The following ST3GAL2 variants were observed in gnomAD, a reference collection of about 807,000 sequenced individuals.
ST3GAL2 encodes CMP-N-acetylneuraminate-beta-galactosamide-alpha-2,3-sialyltransferase 2.
ST3GAL2 carries 16 observed loss-of-function variants against 37.5 expected under a neutral mutation model. That is an observed-to-expected ratio of 0.43 (90% CI 0.29 to 0.65). The LOEUF (loss-of-function observed/expected upper bound fraction) is 0.65, where lower values mean the gene tolerates loss of function less well. ST3GAL2 is among the 30% of genes least tolerant of loss of function. The pLI, the probability that ST3GAL2 is intolerant of heterozygous loss-of-function variation, is 0.17. For synonymous variants in ST3GAL2, 238 were observed against 202.9 expected (o/e 1.17, Z -1.47); for missense variants, 383 against 487.8 (o/e 0.79, Z 2.02).
Position 70,382,874 on chromosome 16 carries a change from T to G in ST3GAL2, c.810A>C (p.Thr270=). Residue 270 remains threonine, a synonymous_variant, in exon 6 of 7, where the codon ACA becomes ACC. Coordinates refer to ENST00000342907, the MANE Select transcript of ST3GAL2 (RefSeq NM_006927.4). ...AFFKYIHDRW[T]EHHGRYPSTG... ...TGGAAGGGTACCGCCCGTGATGCTC[T>G]GTCCACCTGTCGTGGATATACTTGA... 6.2e-7 allele frequency: 1 copy of G among 1,614,140 alleles called. No individual in the cohort carries two copies. Among genetic ancestry groups the G allele is most frequent in the Non-Finnish European group, 8.5e-7 (1 of 1,180,006 alleles).
intron 1 of ST3GAL2, among the ~76,000 whole-genome samples, chr16:70,419,037 C>G (rs1443398141): frequency 6.6e-6 from 1 of 152,142 alleles, no homozygotes; most frequent in Admixed American, 6.5e-5. Context: ...GCAGGGCATT[C>G]CCTCCCCCTC....
Position 70,389,202 on chromosome 16 carries a change from C to CAAAAAAAA in ST3GAL2, c.534-664_534-657dup, listed in dbSNP as rs1160368910. The stretch of plus-strand genomic sequence containing the variant: ...AGACCACGGTGAAACCCCATCTCTA[C>CAAAAAAAA]AAAAAAAAAAAAAAAAAAAAAAAAA... On this transcript the variant is annotated intron_variant, in intron 3 of 6. Coordinates refer to ENST00000342907, the MANE Select transcript of ST3GAL2 (RefSeq NM_006927.4). Among the ~76,000 whole-genome samples the CAAAAAAAA allele has an allele frequency of 5.9e-3, 161 of 27,374 alleles. 48 individuals are homozygous for CAAAAAAAA. The highest frequency in any genetic ancestry group is 9.4e-3 in the South Asian group (3 of 320). The allele number at this position is 27,374 out of a possible 152,430, so 18.0% of individuals were successfully genotyped here.
intron 1 of ST3GAL2, among the ~76,000 whole-genome samples, chr16:70,420,893 G>A (rs537886300): frequency 6.6e-6 from 1 of 152,340 alleles, no homozygotes; most frequent in Non-Finnish European, 1.5e-5. Context: ...AAAAGATGGA[G>A]GGAACCAGAG....
chr16:70,421,970 A>G (rs1266084185), intron 1 of ST3GAL2, among the ~76,000 whole-genome samples: 2 of 152,112 alleles, frequency 1.3e-5, no homozygotes, highest in Non-Finnish European at 2.9e-5. Context: ...GGATCTTGCT[A>G]TGCTGCCCAG....
chr16:70,403,553 C>A (rs377650094), intron 1 of ST3GAL2, among the ~76,000 whole-genome samples: 25 of 151,974 alleles, frequency 1.6e-4, no homozygotes, highest in Non-Finnish European at 3.1e-4. Context: ...AAGGCTCATG[C>A]CTGTAATCCC....
intron 3 of ST3GAL2, among the ~76,000 whole-genome samples, chr16:70,390,065 C>A (rs190179719): frequency 2.0e-5 from 3 of 151,804 alleles, no homozygotes. Flanking sequence ...GGATTACAGG[C>A]GTGAGCCACC....
At position 70,398,786 on chromosome 16, in the gene ST3GAL2, T is replaced by C; in HGVS notation, c.-256A>G. 1.7e-6 allele frequency: 1 copy of C among 578,932 alleles called. No homozygotes were observed. The highest frequency in any genetic ancestry group is 3.1e-6 in the Non-Finnish European group (1 of 325,566). 35.9% of individuals were successfully genotyped at this position (578,932 alleles called of 1,614,324 possible). ...GGGCTTCATCGGGTCTCTCCGTCACTAGCTAGGCCACAGAGGCTCTGCCTC... is the reference window on the plus strand; with the variant it reads ...GGGCTTCATCGGGTCTCTCCGTCACCAGCTAGGCCACAGAGGCTCTGCCTC... On this transcript the variant is annotated 5_prime_UTR_variant, in exon 2 of 7. An upstream open reading frame in the 5' UTR loses its in-frame stop. Coordinates refer to ENST00000342907, the MANE Select transcript of ST3GAL2 (RefSeq NM_006927.4).
chr16:70,437,262 G>A (rs1457282420), intron 1 of ST3GAL2, among the ~76,000 whole-genome samples: 2 of 152,232 alleles, frequency 1.3e-5, no homozygotes, highest in Non-Finnish European at 2.9e-5. Flanking sequence ...CACACAGACA[G>A]TTGGCCCCCT....
At chr16:70,431,355 A>T (rs924242918) in intron 1 of ST3GAL2, among the ~76,000 whole-genome samples, 2 of 152,218 alleles carry the variant, frequency 1.3e-5, no homozygotes, top group African/African-American at 2.4e-5. Context: ...GCCTGCCCGC[A>T]GGGCTAGGAC....
At chr16:70,419,948 G>A in intron 1 of ST3GAL2, among the ~76,000 whole-genome samples, 1 of 151,368 alleles carries the variant, frequency 6.6e-6, no homozygotes, top group East Asian at 1.9e-4. Flanking sequence ...TTTGTACCAG[G>A]CAAATCCCTC....
Position 70,398,436 on chromosome 16 carries a change from G to C in ST3GAL2, c.95C>G (p.Ala32Gly), listed in dbSNP as rs1448342928. The change falls in exon 2 of 7, where the codon GCC (alanine) becomes GGC (glycine). Residue 32 changes from alanine to glycine, a missense_variant. Physicochemically the swap from Ala to Gly is moderately conservative, Grantham distance 60 (BLOSUM62 0). Around this residue, in one of 2 missense-constraint regions of ST3GAL2, gnomAD observed 223 missense variants for 239.1 expected, o/e 0.93. Coordinates refer to ENST00000342907, the MANE Select transcript of ST3GAL2 (RefSeq NM_006927.4). ...CCCTGAGTCCAGGTAGGGGAGCGTG[G>C]CCATGCTGTGGTGCGAGTAGGTGAA... is the stretch of plus-strand genomic sequence containing the variant. The part of the protein sequence containing the change: ...LLFTYSHHSM[A>G]TLPYLDSGAL... 1 of 1,613,694 alleles carries C rather than the reference G, an allele frequency of 6.2e-7. No individual in the cohort carries two copies. Among genetic ancestry groups the C allele is most frequent in the South Asian group, 1.1e-5 (1 of 91,086 alleles).
rs145914823 is a variant in ST3GAL2, at chr16:70,416,641, T to C, written c.-1003-17108A>G. ...GCTTTGAAACCATTATTATGAATTA[T>C]ATAAGTATGCATATGAAAGTGATAA... On this transcript the variant is annotated intron_variant, in intron 1 of 6. Transcript: ENST00000342907. Among the ~76,000 whole-genome samples the C allele has an allele frequency of 3.5e-3, 533 of 152,352 alleles. 7 individuals carry two copies. The highest frequency in any genetic ancestry group is 0.012 in the African/African-American group (495 of 41,580).
rs2047348302 is a variant in ST3GAL2 at position 70,376,698 on chromosome 16, A to T, written c.*4991T>A. 1 of 152,080 alleles carries T rather than the reference A, an allele frequency of 6.6e-6. No individual in the cohort carries two copies. 9.4% of individuals were successfully genotyped at this position (152,080 alleles called of 1,614,324 possible). On this transcript the variant is annotated 3_prime_UTR_variant, in exon 7 of 7. Coordinates refer to ENST00000342907, the MANE Select transcript of ST3GAL2 (RefSeq NM_006927.4). Reference sequence around the variant, plus strand: ...TCCCTGATGCCTCTGACCTTGCCAGACAGTCACAGAAGGTACTTCCTTGTC... The same window carrying T: ...TCCCTGATGCCTCTGACCTTGCCAGTCAGTCACAGAAGGTACTTCCTTGTC...
Position 70,388,377 on chromosome 16 carries a change from G to C in ST3GAL2, c.703C>G (p.Gln235Glu). The change falls in exon 4 of 7, where the codon CAG (glutamine) becomes GAG (glutamate). Residue 235 changes from glutamine (Q) to glutamate (E), a missense_variant. By Grantham distance (29) the Gln-to-Glu change is conservative (BLOSUM62 2). Coordinates refer to ENST00000342907, the MANE Select transcript of ST3GAL2 (RefSeq NM_006927.4). Reference protein sequence around the residue: ...LWIASALSTGQIRFTYAPVKS... With the variant: ...LWIASALSTGEIRFTYAPVKS... ...CAGCAAGAAGCTCACAATCGGATCT[G>C]CCCCGTGGACAAGGCGCTGGCGATC... 1.2e-6 allele frequency: 2 copies of C among 1,614,138 alleles called. No homozygotes were observed. The highest frequency in any genetic ancestry group is 1.7e-6 in the Non-Finnish European group (2 of 1,180,028).
At chr16:70,415,412 A>C (rs2047669650) in intron 1 of ST3GAL2, among the ~76,000 whole-genome samples, 1 of 152,238 alleles carries the variant, frequency 6.6e-6, no homozygotes, top group African/African-American at 2.4e-5. Flanking sequence ...GAAACGGATA[A>C]ACCTAAGAGG....
At chr16:70,403,394 C>G (rs920090284) in intron 1 of ST3GAL2, among the ~76,000 whole-genome samples, 1 of 152,200 alleles carries the variant, frequency 6.6e-6, no homozygotes, top group Non-Finnish European at 1.5e-5. Context: ...TTTAAGATGT[C>G]TTTTAGGCCA....
intron 3 of ST3GAL2, among the ~76,000 whole-genome samples, chr16:70,391,247 G>A (rs569026203): frequency 6.6e-6 from 1 of 152,174 alleles, no homozygotes; most frequent in Admixed American, 6.6e-5. Context: ...GTGCTTTGGG[G>A]TGGGAGGTCT....
chr16:70,432,481 C>A (rs1373087182), intron 1 of ST3GAL2, among the ~76,000 whole-genome samples: 1 of 150,702 alleles, frequency 6.6e-6, no homozygotes, highest in Non-Finnish European at 1.5e-5. Context: ...TGGAACCCTA[C>A]AAGGTCCACA....
At chr16:70,385,014 C>T (rs535096825) in intron 4 of ST3GAL2, among the ~76,000 whole-genome samples, 35 of 144,878 alleles carry the variant, frequency 2.4e-4, no homozygotes, top group East Asian at 4.1e-4. Flanking sequence ...GGCTCAAAAA[C>T]AAACAAACAG....
Sources: gnomAD v4.1 joint callset for allele counts (sites outside exome capture counted in the v4.1 genomes callset) on GRCh38, gnomAD v4.1.1 for gene constraint, gnomAD v4.1.1 regional missense constraint, MANE v1.5 for transcripts, NCBI Gene and HGNC (gene_info 2026-07-23, HGNC 2026-07-21) for gene names.